KCNAB1: variants seen among roughly 807,000 people sequenced by gnomAD.
KCNAB1 encodes potassium voltage-gated channel subfamily A regulatory beta subunit 1.
A neutral mutation model predicts 64.6 loss-of-function variants in KCNAB1; 35 were observed. The observed-to-expected ratio is 0.54, with a 90% CI of 0.41 to 0.72. KCNAB1 has a LOEUF of 0.72. Ranked by LOEUF, KCNAB1 falls within the 30% of genes least tolerant of loss-of-function variation. The pLI is 0.00. For synonymous variants in KCNAB1, 177 were observed against 183.8 expected, an observed-to-expected ratio of 0.96 and a Z score of 0.30; for missense variants, 401 against 512.9, an observed-to-expected ratio of 0.78 and a Z score of 2.11.
At chr3:156,259,332 T>G (rs1576653315) in intron 1 of KCNAB1, among the ~76,000 whole-genome samples, 1 of 152,156 alleles carries the variant, frequency 6.6e-6, no homozygotes, top group East Asian at 1.9e-4. Flanking sequence ...GACTATTAAT[T>G]AGGGATATAA....
chr3:156,365,855 A>C (rs1725912376), intron 1 of KCNAB1, among the ~76,000 whole-genome samples: 1 of 151,458 alleles, frequency 6.6e-6, no homozygotes, highest in Non-Finnish European at 1.5e-5. Context: ...GATCAGACAT[A>C]ATCAAGGCAA....
At chr3:156,176,765 T>TCG (rs768492994) in intron 1 of KCNAB1, 874 of 894,762 alleles carry the variant, frequency 9.8e-4, no homozygotes, top group Non-Finnish European at 1.5e-3. Flanking sequence ...ACCTCGGAGG[T>TCG]CCTGCTTGCA....
chr3:156,175,888 G>C, intron 1 of KCNAB1: 1 of 763,880 alleles, frequency 1.3e-6, no homozygotes. Context: ...GTCACTCGAT[G>C]CTGAGATAAT....
rs141523966 is a variant in KCNAB1 at position 156,125,257 on chromosome 3, C to T, written c.275+4371C>T. 1.3e-4 allele frequency among the ~76,000 whole-genome samples: 20 copies of T among 152,178 alleles called. No individual in the cohort carries two copies. The East Asian group carries it at 2.5e-3, about 19-fold the overall frequency. The stretch of plus-strand genomic sequence containing the variant: ...CTTGAGATATAACCCATACTGTACA[C>T]GGTGTATTTAAGGCCTATGAAGAAA... On this transcript the variant is annotated intron_variant, in intron 1 of 13. Transcript: ENST00000490337.
At chr3:156,181,633 A>G (rs950502841) in intron 1 of KCNAB1, among the ~76,000 whole-genome samples, 1 of 152,218 alleles carries the variant, frequency 6.6e-6, no homozygotes, top group South Asian at 2.1e-4. Flanking sequence ...TGGTAGGTAC[A>G]TGAACACAGT....
intron 1 of KCNAB1, among the ~76,000 whole-genome samples, chr3:156,145,958 A>G (rs1024978102): frequency 1.3e-5 from 2 of 152,186 alleles, no homozygotes; most frequent in Admixed American, 1.3e-4. Context: ...GTAGGTTTCC[A>G]TGCTCAGCTT....
intron 1 of KCNAB1, among the ~76,000 whole-genome samples, chr3:156,408,903 C>A (rs1416318245): frequency 1.3e-5 from 2 of 152,076 alleles, no homozygotes; most frequent in Non-Finnish European, 2.9e-5. Context: ...TGTACTTTTC[C>A]ATTTCAAAAG....
chr3:156,381,592 AG>A (rs1712162874), intron 1 of KCNAB1, among the ~76,000 whole-genome samples: 1 of 152,238 alleles, frequency 6.6e-6, no homozygotes, highest in Non-Finnish European at 1.5e-5. Context: ...GGAAATTTAC[AG>A]AACTTCTCAC....
intron 2 of KCNAB1, among the ~76,000 whole-genome samples, chr3:156,441,968 A>G (rs1717036873): frequency 6.6e-6 from 1 of 152,180 alleles, no homozygotes; most frequent in Admixed American, 6.5e-5. Context: ...TTTTAAATAA[A>G]TTTTGCTTCT....
At position 156,464,871 on chromosome 3, in the gene KCNAB1, A is replaced by T. The variant is rs368958435; in HGVS notation, c.528-772A>T. On this transcript the variant is annotated intron_variant, in intron 6 of 13. Transcript: ENST00000490337. Reference sequence around the variant, plus strand: ...GCTACAAAACCTTTCAGGAAATGAGACAGTCTGCAAGAACCATTATATAGT... The same window carrying T: ...GCTACAAAACCTTTCAGGAAATGAGTCAGTCTGCAAGAACCATTATATAGT... 9.3e-4 allele frequency among the ~76,000 whole-genome samples: 141 copies of T among 152,308 alleles called. 3 individuals are homozygous for T. The highest frequency in any genetic ancestry group is 3.3e-3 in the African/African-American group (137 of 41,558).
chr3:156,378,162 A>C (rs1333923224), intron 1 of KCNAB1, among the ~76,000 whole-genome samples: 3 of 152,182 alleles, frequency 2.0e-5, no homozygotes, highest in Non-Finnish European at 2.9e-5. Context: ...GTAGAGAAGT[A>C]AAGACGAGAA....
At chr3:156,193,561 G>A (rs546853427) in intron 1 of KCNAB1, among the ~76,000 whole-genome samples, 2 of 152,212 alleles carry the variant, frequency 1.3e-5, no homozygotes, top group African/African-American at 2.4e-5. Flanking sequence ...ACATGGTTGG[G>A]GAGGCCTCAG....
At chr3:156,276,711 T>C (rs1040008075) in intron 1 of KCNAB1, among the ~76,000 whole-genome samples, 1 of 152,196 alleles carries the variant, frequency 6.6e-6, no homozygotes, top group African/African-American at 2.4e-5. Context: ...ACTTTTCATC[T>C]GTAGCTTTCC....
chr3:156,480,423 A>T (rs1185493369), intron 8 of KCNAB1, among the ~76,000 whole-genome samples: 1 of 152,038 alleles, frequency 6.6e-6, no homozygotes, highest in Non-Finnish European at 1.5e-5. Flanking sequence ...TAAATACCTA[A>T]TTCATGCAGG....
intron 8 of KCNAB1, among the ~76,000 whole-genome samples, chr3:156,497,717 T>C (rs182732638): frequency 6.6e-6 from 1 of 152,192 alleles, no homozygotes; most frequent in South Asian, 2.1e-4. Context: ...TATAGAAATA[T>C]TAGATGCCAT....
chr3:156,191,485 A>G (rs374463177), intron 1 of KCNAB1, among the ~76,000 whole-genome samples: 3 of 152,206 alleles, frequency 2.0e-5, no homozygotes, highest in African/African-American at 7.2e-5. Context: ...CAAACTGGCT[A>G]TTCCTATCAG....
intron 4 of KCNAB1, among the ~76,000 whole-genome samples, chr3:156,459,532 A>T (rs1355467651): frequency 6.6e-6 from 1 of 152,074 alleles, no homozygotes; most frequent in Non-Finnish European, 1.5e-5. Flanking sequence ...TATATATGGG[A>T]TCATTGGTTC....
intron 8 of KCNAB1, among the ~76,000 whole-genome samples, chr3:156,490,416 A>G (rs1176301132): frequency 6.6e-6 from 1 of 152,128 alleles, no homozygotes; most frequent in African/African-American, 2.4e-5. Flanking sequence ...AAGAAGCTCA[A>G]ATAAATAGAA....
At chr3:156,489,448 G>A (rs1056001120) in intron 8 of KCNAB1, among the ~76,000 whole-genome samples, 1 of 152,000 alleles carries the variant, frequency 6.6e-6, no homozygotes, top group Non-Finnish European at 1.5e-5. Context: ...CAAGTAAGAT[G>A]AAGACTGAAC....
Sources: allele counts gnomAD v4.1 joint callset (sites outside exome capture counted in the v4.1 genomes callset), GRCh38; gene constraint gnomAD v4.1.1; transcripts MANE v1.5; gene names NCBI Gene and HGNC (gene_info 2026-07-23, HGNC 2026-07-21).